The following ECPAS variants were observed in gnomAD, a reference collection of about 807,000 sequenced individuals.
ECPAS encodes the protein Ecm29 proteasome adaptor and scaffold.
Under a neutral mutation model 255.1 loss-of-function variants are expected in ECPAS, and 70 were observed. The ratio of observed to expected loss-of-function variants is 0.27; its 90% CI spans 0.23 to 0.33. ECPAS has a LOEUF of 0.33. Ranked by LOEUF, ECPAS falls within the 10% of genes least tolerant of loss-of-function variation. The probability of loss-of-function intolerance (pLI) is 1.00; values close to 1 mark genes in which losing one functional copy is unlikely to be tolerated. For synonymous variants in ECPAS, 784 were observed against 775.0 expected, an observed-to-expected ratio of 1.01 and a Z score of -0.19; for missense variants, 1,817 against 2,206.4, an observed-to-expected ratio of 0.82 and a Z score of 3.54.
chr9:111,373,702 C>T (rs1019760192), intron 39 of ECPAS, among the ~76,000 whole-genome samples: 33 of 152,122 alleles, frequency 2.2e-4, no homozygotes, highest in Admixed American at 1.3e-4. Context: ...AATCAGCTAT[C>T]AATGGTAAGT....
At chr9:111,370,374 C>A in intron 45 of ECPAS, 61 bp downstream of exon 45, 1 of 1,210,764 alleles carries the variant, frequency 8.3e-7, no homozygotes, top group Non-Finnish European at 1.1e-6. Context: ...TAGGGGAAAA[C>A]AATTTTTTAA....
At position 111,366,757 on chromosome 9, in the gene ECPAS, A is replaced by G. The variant is rs1347438261; in HGVS notation, c.5114-130T>C. On this transcript the variant is annotated intron_variant, in intron 46 of 49. Coordinates refer to ENST00000684092, the MANE Select transcript of ECPAS (RefSeq NM_001364929.1). ...AAGAGAAAGAGAGAAGGTGGGGAGG[A>G]TAAGAGAGAGAAAAGCAGGAAAAAG... 4.8e-6 allele frequency: 3 copies of G among 629,486 alleles called. No individual in the cohort carries two copies. The African/African-American group carries it at 5.6e-5, about 12-fold the overall frequency. 39.0% of individuals were successfully genotyped at this position (629,486 alleles called of 1,614,324 possible). A position where few individuals can be genotyped will look rare whatever the true frequency, so the allele number is the denominator to read the frequency against.
chr9:111,369,758 G>A (rs1456617174), intron 45 of ECPAS, among the ~76,000 whole-genome samples: 3 of 151,994 alleles, frequency 2.0e-5, no homozygotes, highest in African/African-American at 7.2e-5. Context: ...GGGGACCAGT[G>A]CCCAACTTTT....
intron 1 of ECPAS, among the ~76,000 whole-genome samples, chr9:111,482,228 G>C (rs188668650): frequency 6.6e-6 from 1 of 152,318 alleles, no homozygotes; most frequent in African/African-American, 2.4e-5. Flanking sequence ...ATCGCACCAT[G>C]AGACCTTGTC....
intron 2 of ECPAS, among the ~76,000 whole-genome samples, chr9:111,462,039 A>G (rs1462700226): frequency 6.6e-6 from 1 of 152,170 alleles, no homozygotes; most frequent in Non-Finnish European, 1.5e-5. Context: ...GAGCTACAAG[A>G]TGAGATTTGG....
At chr9:111,447,260 G>A (rs1240334497) in intron 3 of ECPAS, among the ~76,000 whole-genome samples, 2 of 151,962 alleles carry the variant, frequency 1.3e-5, no homozygotes, top group Admixed American at 1.3e-4. Flanking sequence ...CAGTAGCTGG[G>A]ACTATAAGCA....
At chr9:111,427,922 C>A in intron 10 of ECPAS, 120 bp downstream of exon 10, 2 of 755,182 alleles carry the variant, frequency 2.6e-6, no homozygotes, top group South Asian at 3.7e-5. Flanking sequence ...AAAAGAATCT[C>A]ATTAATCTTG....
chr9:111,427,989 A>C (rs2098224259), intron 10 of ECPAS, 53 bp downstream of exon 10: 1 of 1,550,786 alleles, frequency 6.4e-7, no homozygotes, highest in African/African-American at 1.4e-5. Context: ...TCTCTAATTA[A>C]ATAGACATAA....
intron 48 of ECPAS, 111 bp from the exon 49 acceptor site, chr9:111,363,770 G>A: frequency 1.6e-6 from 1 of 623,210 alleles, no homozygotes; most frequent in Non-Finnish European, 2.8e-6. Context: ...TCTAGGGAAG[G>A]GTATATCTGA....
At chr9:111,441,835 T>C (rs1260097204) in intron 5 of ECPAS, among the ~76,000 whole-genome samples, 1 of 152,232 alleles carries the variant, frequency 6.6e-6, no homozygotes, top group African/African-American at 2.4e-5. Flanking sequence ...ATTCTCACTA[T>C]GACAGAGCTA....
chr9:111,383,422 T>C (rs2098143123), intron 34 of ECPAS, 90 bp from the exon 35 acceptor site: 4 of 1,437,510 alleles, frequency 2.8e-6, no homozygotes, highest in South Asian at 1.3e-5. Flanking sequence ...TTCACATATC[T>C]ACAGGGAAGA....
At chr9:111,410,844 T>A in intron 22 of ECPAS, 136 bp downstream of exon 22, 1 of 939,394 alleles carries the variant, frequency 1.1e-6, no homozygotes, top group Non-Finnish European at 1.6e-6. Flanking sequence ...AATACATTAT[T>A]TATCAAGTAA....
At chr9:111,427,901 TAAGA>T in intron 10 of ECPAS, 137 bp downstream of exon 10, 1 of 629,266 alleles carries the variant, frequency 1.6e-6, no homozygotes, top group Non-Finnish European at 2.4e-6. Context: ...GCAGCAAATT[TAAGA>T]TAGAAAAAAA....
At chr9:111,483,867 C>G (rs1413675829) in intron 1 of ECPAS, 5 of 442,628 alleles carry the variant, frequency 1.1e-5, no homozygotes, top group East Asian at 1.6e-4. Flanking sequence ...GCGCCGCGCT[C>G]GCCCAACTCA....
chr9:111,368,045 C>A (rs374128998), intron 46 of ECPAS, among the ~76,000 whole-genome samples: 5,940 of 146,384 alleles, frequency 0.041, 442 homozygotes, highest in African/African-American at 0.14. Context: ...AAAAAAAAAA[C>A]AAACAAAAAA....
Position 111,417,856 on chromosome 9 carries a change from C to T in ECPAS, c.1683+27G>A, listed in dbSNP as rs2098206606. On this transcript the variant is annotated intron_variant, in intron 17 of 49. Transcript: ENST00000684092. ...TTTTCATCATCCATTATGATTTAGA[C>T]TAATTACCTTAAGTTGCATGCCATA... 2.0e-6 allele frequency: 3 copies of T among 1,529,956 alleles called. No homozygotes were observed. The East Asian group carries it at 7.3e-5, about 37-fold the overall frequency. 94.8% of individuals were successfully genotyped at this position (1,529,956 alleles called of 1,614,324 possible).
At chr9:111,376,652 A>C (rs2098133655) in intron 36 of ECPAS, 111 bp from the exon 37 acceptor site, 1 of 790,578 alleles carries the variant, frequency 1.3e-6, no homozygotes, top group African/African-American at 1.7e-5. Flanking sequence ...AAAAAAAAAT[A>C]ATCCGTAGCT....
intron 35 of ECPAS, among the ~76,000 whole-genome samples, chr9:111,380,588 T>C (rs2098139388): frequency 6.6e-6 from 1 of 152,220 alleles, no homozygotes; most frequent in Non-Finnish European, 1.5e-5. Context: ...AGCCTGGCCT[T>C]TGAAGCGTTG....
Position 111,410,178 on chromosome 9 carries a change from T to C in ECPAS, c.2413A>G (p.Ile805Val). ...FLDSTSPLLA[I>V]AACTALGEIG... ...TCACCCAGGGCTGTGCAGGCAGCAATTGCCAGGAGGGGTGATGTACTGTCC... is the reference window on the plus strand; with the variant it reads ...TCACCCAGGGCTGTGCAGGCAGCAACTGCCAGGAGGGGTGATGTACTGTCC... Residue 805 changes from isoleucine (I) to valine (V), a missense_variant, in exon 23 of 50, where the codon ATT becomes GTT. Physicochemically the swap from Ile to Val is conservative, Grantham distance 29. This residue lies in a region of ECPAS where 194 missense variants were observed against 152.8 expected (regional missense o/e 1.27). Coordinates refer to ENST00000684092, the MANE Select transcript of ECPAS (RefSeq NM_001364929.1). 6.2e-7 allele frequency: 1 copy of C among 1,613,230 alleles called. No homozygotes were observed. Among genetic ancestry groups the C allele is most frequent in the Non-Finnish European group, 8.5e-7 (1 of 1,179,640 alleles).
Sources: gnomAD v4.1 joint callset for allele counts (sites outside exome capture counted in the v4.1 genomes callset) on GRCh38, gnomAD v4.1.1 for gene constraint, gnomAD v4.1.1 regional missense constraint, MANE v1.5 for transcripts, NCBI Gene and HGNC (gene_info 2026-07-23, HGNC 2026-07-21) for gene names.